The following IL1RAPL2 variants were observed in gnomAD, a reference collection of about 807,000 sequenced individuals.
IL1RAPL2 encodes the protein X-linked interleukin-1 receptor accessory protein-like 2.
Under a neutral mutation model 44.1 loss-of-function variants are expected in IL1RAPL2, and 3 were observed. That is an observed-to-expected ratio of 0.07 (90% CI 0.03 to 0.18). The LOEUF (loss-of-function observed/expected upper bound fraction) is 0.18, where lower values mean the gene tolerates loss of function less well. Among genes scored for constraint, IL1RAPL2 ranks in the 10% least tolerant of loss-of-function variants. The pLI, the probability that IL1RAPL2 is intolerant of heterozygous loss-of-function variation, is 1.00. For missense variants in IL1RAPL2, 391 were observed against 496.4 expected (o/e 0.79, Z 2.02); for synonymous variants, 181 against 178.8 (o/e 1.01, Z -0.10).
intron 1 of IL1RAPL2, among the ~76,000 whole-genome samples, chrX:104,574,401 T>TTCAAAACCAACA (rs1213726347): frequency 8.9e-6 from 1 of 111,897 alleles, no homozygotes; most frequent in Non-Finnish European, 1.9e-5. Flanking sequence ...TTAAGAAGGC[T>TTCAAAACCAACA]TCAAAACCAA....
chrX:104,991,713 C>G (rs1158455184), intron 2 of IL1RAPL2, among the ~76,000 whole-genome samples: 4 of 111,694 alleles, frequency 3.6e-5, no homozygotes, highest in African/African-American at 1.3e-4. Flanking sequence ...GAGACAGGCT[C>G]TAGGGAATTC....
At chrX:105,194,858 C>T (rs2147612025) in intron 2 of IL1RAPL2, among the ~76,000 whole-genome samples, 1 of 111,611 alleles carries the variant, frequency 9.0e-6, no homozygotes, top group African/African-American at 3.3e-5. Context: ...AGGTTAAGAA[C>T]ACAATCTGGA....
intron 4 of IL1RAPL2, among the ~76,000 whole-genome samples, chrX:105,256,786 G>T (rs2034319152): frequency 9.0e-6 from 1 of 111,447 alleles, no homozygotes; most frequent in Admixed American, 9.5e-5. Context: ...TCTGATGGGG[G>T]TTTTTATTTC....
chrX:105,441,524 G>A (rs148507302), intron 5 of IL1RAPL2, among the ~76,000 whole-genome samples: 3,527 of 111,646 alleles, frequency 0.032, 153 homozygotes, highest in African/African-American at 0.11. Context: ...ACCTAAGCTT[G>A]TAGGCCTTTA....
chrX:104,993,591 T>C (rs1451641507), intron 2 of IL1RAPL2, among the ~76,000 whole-genome samples: 1 of 111,554 alleles, frequency 9.0e-6, no homozygotes, highest in Non-Finnish European at 1.9e-5. Flanking sequence ...CTTGATGTTA[T>C]ATTCATTGAA....
At chrX:105,163,575 T>A (rs906884104) in intron 2 of IL1RAPL2, among the ~76,000 whole-genome samples, 4 of 112,149 alleles carry the variant, frequency 3.6e-5, no homozygotes, top group Non-Finnish European at 7.5e-5. Flanking sequence ...CTTTGATATC[T>A]CTGCTAATAT....
intron 2 of IL1RAPL2, among the ~76,000 whole-genome samples, chrX:104,949,954 G>C (rs1368979101): frequency 7.2e-5 from 8 of 110,951 alleles, no homozygotes; most frequent in Non-Finnish European, 1.3e-4. Context: ...GCAGAGCTGA[G>C]TTCAATTCCT....
At chrX:105,670,105 GTA>G (rs1171872748) in intron 6 of IL1RAPL2, among the ~76,000 whole-genome samples, 815 of 11,624 alleles carry the variant, frequency 0.07, 27 homozygotes, top group South Asian at 0.18. Context: ...TGGGTTTCCT[GTA>G]TATATATATA....
intron 6 of IL1RAPL2, among the ~76,000 whole-genome samples, chrX:105,675,726 G>A (rs2037865308): frequency 9.0e-6 from 1 of 111,464 alleles, no homozygotes; most frequent in African/African-American, 3.3e-5. Flanking sequence ...AGTAGTTTCA[G>A]AAGAAATGGT....
intron 1 of IL1RAPL2, among the ~76,000 whole-genome samples, chrX:104,655,675 T>C (rs1930241650): frequency 8.9e-6 from 1 of 111,859 alleles, no homozygotes; most frequent in Non-Finnish European, 1.9e-5. Flanking sequence ...ATCAGGATGA[T>C]GCTGGCCTCA....
At chrX:105,158,494 A>T (rs2033291286) in intron 2 of IL1RAPL2, among the ~76,000 whole-genome samples, 1 of 112,256 alleles carries the variant, frequency 8.9e-6, no homozygotes. Flanking sequence ...CCAAATGGCA[A>T]TTCCATTCAT....
intron 2 of IL1RAPL2, among the ~76,000 whole-genome samples, chrX:104,821,084 C>T (rs1363491704): frequency 1.8e-5 from 2 of 111,692 alleles, no homozygotes; most frequent in African/African-American, 6.5e-5. Flanking sequence ...GTCTCCAATT[C>T]TTATGTATTC....
chrX:105,491,772 TC>T (rs1462111458), intron 6 of IL1RAPL2, among the ~76,000 whole-genome samples: 2 of 112,275 alleles, frequency 1.8e-5, no homozygotes, highest in Non-Finnish European at 3.8e-5. Flanking sequence ...CCAAGCCTTT[TC>T]CTTAAGAGTT....
At chrX:105,733,667 T>G (rs969239491) in intron 7 of IL1RAPL2, among the ~76,000 whole-genome samples, 3 of 111,191 alleles carry the variant, frequency 2.7e-5, no homozygotes, top group African/African-American at 9.8e-5. Context: ...TCCTTTTGAT[T>G]TTTTTCTTAG....
At position 105,695,023 on chromosome X, in the gene IL1RAPL2, G is replaced by C. The variant is rs1602526523; in HGVS notation, c.773-22344G>C. On this transcript the variant is annotated intron_variant, in intron 6 of 10. Coordinates refer to ENST00000372582, the MANE Select transcript of IL1RAPL2 (RefSeq NM_017416.2). ...CAACGAACACTGAAAGTTGAGGAAG[G>C]TTAGCTTCATTTCTTAAGAGCTATT... is the stretch of plus-strand genomic sequence containing the variant. Among the ~76,000 whole-genome samples, 3 of 111,355 alleles carry C rather than the reference G, an allele frequency of 2.7e-5. No individual in the cohort carries two copies. The South Asian group carries it at 1.1e-3, about 43-fold the overall frequency.
chrX:104,877,334 A>G (rs1170926765), intron 2 of IL1RAPL2, among the ~76,000 whole-genome samples: 1 of 110,962 alleles, frequency 9.0e-6, no homozygotes, highest in Non-Finnish European at 1.9e-5. Flanking sequence ...GAACTAGTTT[A>G]CAGTCCCACC....
At chrX:104,941,131 T>C (rs1344985569) in intron 2 of IL1RAPL2, among the ~76,000 whole-genome samples, 1 of 110,790 alleles carries the variant, frequency 9.0e-6, no homozygotes, top group Non-Finnish European at 1.9e-5. Context: ...GTTCCAAGTC[T>C]TTGCTATTGT....
intron 6 of IL1RAPL2, among the ~76,000 whole-genome samples, chrX:105,574,984 T>G (rs191807552): frequency 3.6e-5 from 4 of 111,659 alleles, no homozygotes; most frequent in Admixed American, 9.5e-5. Context: ...TAAAGATATG[T>G]AAGTAGGTGA....
At chrX:105,035,137 C>G (rs1268586676) in intron 2 of IL1RAPL2, among the ~76,000 whole-genome samples, 1 of 111,697 alleles carries the variant, frequency 9.0e-6, no homozygotes, top group African/African-American at 3.3e-5. Context: ...CAGGTGCCGT[C>G]TGTCACCCCT....
Sources: allele counts gnomAD v4.1 joint callset (sites outside exome capture counted in the v4.1 genomes callset), GRCh38; gene constraint gnomAD v4.1.1; transcripts MANE v1.5; gene names NCBI Gene and HGNC (gene_info 2026-07-23, HGNC 2026-07-21).